The following KCNQ3 variants were observed in gnomAD, a reference collection of about 807,000 sequenced individuals.
The protein encoded by KCNQ3 is potassium voltage-gated channel subfamily KQT member 3.
A neutral mutation model predicts 92.5 loss-of-function variants in KCNQ3; 30 were observed. The ratio of observed to expected loss-of-function variants is 0.32; its 90% confidence interval spans 0.24 to 0.44. The LOEUF (loss-of-function observed/expected upper bound fraction) is 0.44, where lower values mean the gene tolerates loss of function less well. Ranked by LOEUF, KCNQ3 falls within the 20% of genes least tolerant of loss-of-function variation. KCNQ3 has a pLI of 1.00. For synonymous variants in KCNQ3, 450 were observed against 468.8 expected (o/e 0.96, Z 0.52); for missense variants, 913 against 1,140.3 (o/e 0.80, Z 2.87).
At chr8:132,222,434 A>G (rs1446291970) in intron 1 of KCNQ3, among the ~76,000 whole-genome samples, 1 of 152,234 alleles carries the variant, frequency 6.6e-6, no homozygotes, top group African/African-American at 2.4e-5. Flanking sequence ...TCTCAGAGAA[A>G]ATAATGGATA....
At chr8:132,446,085 C>G (rs913863085) in intron 1 of KCNQ3, among the ~76,000 whole-genome samples, 4 of 152,124 alleles carry the variant, frequency 2.6e-5, no homozygotes, top group Non-Finnish European at 5.9e-5. Context: ...AGGTCTTTAT[C>G]AGATGGGAGC....
intron 1 of KCNQ3, among the ~76,000 whole-genome samples, chr8:132,330,853 T>C (rs78568854): frequency 0.011 from 1,639 of 152,306 alleles, 36 homozygotes; most frequent in African/African-American, 0.037. Flanking sequence ...TGTCAGTTGT[T>C]GTGTCCCAGA....
chr8:132,163,329 G>T, intron 9 of KCNQ3, 139 bp downstream of exon 9: 1 of 769,480 alleles, frequency 1.3e-6, no homozygotes. Flanking sequence ...AGAGGACTAT[G>T]GTGGTCAGCA....
chr8:132,135,309 G>A (rs1825046237), intron 12 of KCNQ3, among the ~76,000 whole-genome samples: 1 of 152,152 alleles, frequency 6.6e-6, no homozygotes, highest in South Asian at 2.1e-4. Flanking sequence ...CTCTATGCCT[G>A]GACCAATAGG....
At position 132,460,496 on chromosome 8, in the gene KCNQ3, T is replaced by A. The variant is rs1822037066; in HGVS notation, c.386+19651A>T. On this transcript the variant is annotated intron_variant, in intron 1 of 14. Coordinates refer to ENST00000388996, the MANE Select transcript of KCNQ3 (RefSeq NM_004519.4). ...GCCATATTTTGCTTAACCGTTAAAC[T>A]CCAGTACACAAGTATAACAGTATGA... Among the ~76,000 whole-genome samples, 4 of 152,108 alleles carry A rather than the reference T, an allele frequency of 2.6e-5. No individual in the cohort carries two copies. The South Asian group carries it at 6.2e-4, about 24-fold the overall frequency.
At chr8:132,307,981 C>A (rs918054835) in intron 1 of KCNQ3, among the ~76,000 whole-genome samples, 1 of 152,170 alleles carries the variant, frequency 6.6e-6, no homozygotes, top group Non-Finnish European at 1.5e-5. Context: ...ATCCTCTGGT[C>A]CCCGGAGGAT....
At chr8:132,277,672 G>A (rs1366524641) in intron 1 of KCNQ3, among the ~76,000 whole-genome samples, 3 of 152,092 alleles carry the variant, frequency 2.0e-5, no homozygotes, top group Non-Finnish European at 1.5e-5. Flanking sequence ...GCCCAAATGA[G>A]CAGATGGATG....
At chr8:132,138,077 G>C (rs1426038376) in intron 11 of KCNQ3, 61 bp from the exon 12 acceptor site, 1 of 1,582,092 alleles carries the variant, frequency 6.3e-7, no homozygotes, top group Non-Finnish European at 8.6e-7. Flanking sequence ...AGCTATAACA[G>C]AAGGCTAGCA....
intron 1 of KCNQ3, among the ~76,000 whole-genome samples, chr8:132,415,321 G>T (rs542668916): frequency 2.0e-5 from 3 of 152,188 alleles, no homozygotes; most frequent in Non-Finnish European, 4.4e-5. Flanking sequence ...CCAGTGCAAT[G>T]ACACCAGAGG....
At chr8:132,379,202 C>T (rs1819682226) in intron 1 of KCNQ3, among the ~76,000 whole-genome samples, 1 of 152,176 alleles carries the variant, frequency 6.6e-6, no homozygotes, top group Admixed American at 6.5e-5. Flanking sequence ...TAATTAATGT[C>T]TATGAAAGAC....
At chr8:132,335,633 T>G (rs765971155) in intron 1 of KCNQ3, among the ~76,000 whole-genome samples, 5 of 152,138 alleles carry the variant, frequency 3.3e-5, no homozygotes, top group Admixed American at 6.5e-5. Context: ...TTTCATTCCT[T>G]ACAACTGAAA....
intron 1 of KCNQ3, among the ~76,000 whole-genome samples, chr8:132,333,001 AG>A (rs1173852903): frequency 3.3e-5 from 5 of 149,974 alleles, no homozygotes; most frequent in African/African-American, 9.8e-5. Context: ...TCAGAGTGAG[AG>A]GATGGATGAA....
intron 1 of KCNQ3, among the ~76,000 whole-genome samples, chr8:132,341,044 T>G (rs2130685203): frequency 6.6e-6 from 1 of 152,320 alleles, no homozygotes; most frequent in South Asian, 2.1e-4. Flanking sequence ...AATAGTCACA[T>G]GTGGTTGGTG....
intron 1 of KCNQ3, among the ~76,000 whole-genome samples, chr8:132,368,485 T>C (rs1261180796): frequency 1.3e-5 from 2 of 151,992 alleles, no homozygotes; most frequent in African/African-American, 4.8e-5. Context: ...AGACCCTGTC[T>C]CAACAAAAAT....
chr8:132,330,979 G>A (rs1818211085), intron 1 of KCNQ3, among the ~76,000 whole-genome samples: 1 of 152,118 alleles, frequency 6.6e-6, no homozygotes, highest in African/African-American at 2.4e-5. Flanking sequence ...CCACTGGGGT[G>A]GCTTCTGATA....
intron 1 of KCNQ3, among the ~76,000 whole-genome samples, chr8:132,223,085 A>C: frequency 6.6e-6 from 1 of 151,972 alleles, no homozygotes. Context: ...AAATGTGTAA[A>C]TTCATACATT....
intron 1 of KCNQ3, among the ~76,000 whole-genome samples, chr8:132,261,074 T>C (rs1815771390): frequency 6.6e-6 from 1 of 152,194 alleles, no homozygotes; most frequent in Non-Finnish European, 1.5e-5. Context: ...CAATTCACTA[T>C]GCTCAACAGC....
intron 1 of KCNQ3, among the ~76,000 whole-genome samples, chr8:132,346,078 T>C (rs551356009): frequency 1.3e-5 from 2 of 152,104 alleles, no homozygotes; most frequent in Admixed American, 1.3e-4. Context: ...ATAATGGTGG[T>C]GACAAGATGA....
intron 1 of KCNQ3, among the ~76,000 whole-genome samples, chr8:132,320,813 C>A (rs1421451140): frequency 4.6e-5 from 7 of 152,174 alleles, no homozygotes; most frequent in African/African-American, 9.7e-5. Context: ...AATGCTGGTG[C>A]CTGATCATGT....
Sources: allele counts gnomAD v4.1 joint callset (sites outside exome capture counted in the v4.1 genomes callset), GRCh38; gene constraint gnomAD v4.1.1; transcripts MANE v1.5; gene names NCBI Gene and HGNC (gene_info 2026-07-23, HGNC 2026-07-21).